ALKBH3: variants seen among roughly 807,000 people sequenced by gnomAD.
ALKBH3 encodes the protein alkB homolog 3, alpha-ketoglutarate dependent dioxygenase.
A neutral mutation model predicts 43.9 loss-of-function variants in ALKBH3; 51 were observed. That is an observed-to-expected ratio of 1.16 (90% CI 0.93 to 1.47). The LOEUF is 1.47. Ranked by LOEUF, ALKBH3 falls within the 40% of genes most tolerant of loss-of-function variation. The pLI is 0.00. For synonymous variants in ALKBH3, 102 were observed against 115.2 expected (o/e 0.89, Z 0.73); for missense variants, 361 against 351.9 (o/e 1.03, Z -0.21).
At chr11:43,918,589 G>A (rs1342743965) in intron 8 of ALKBH3, among the ~76,000 whole-genome samples, 1 of 152,188 alleles carries the variant, frequency 6.6e-6, no homozygotes, top group Non-Finnish European at 1.5e-5. Context: ...TCAAATCTTG[G>A]TTAAAAGGAC....
At chr11:43,916,499 T>C (rs1168714857) in intron 8 of ALKBH3, among the ~76,000 whole-genome samples, 3 of 152,126 alleles carry the variant, frequency 2.0e-5, no homozygotes, top group African/African-American at 7.2e-5. Context: ...TAAAAGCTGC[T>C]TTTAACCAGG....
At chr11:43,911,804 A>G (rs1013524668) in intron 8 of ALKBH3, among the ~76,000 whole-genome samples, 1 of 152,210 alleles carries the variant, frequency 6.6e-6, no homozygotes, top group Non-Finnish European at 1.5e-5. Flanking sequence ...GTGGAATTGT[A>G]CATTATCATT....
chr11:43,884,375 CT>C (rs113557050), intron 4 of ALKBH3, among the ~76,000 whole-genome samples: 73,167 of 133,670 alleles, frequency 0.55, 20,113 homozygotes, highest in Non-Finnish European at 0.63. Flanking sequence ...TTAATTGCCT[CT>C]TTTTTTTTTT....
intron 7 of ALKBH3, among the ~76,000 whole-genome samples, chr11:43,900,550 G>A (rs1951855855): frequency 6.6e-6 from 1 of 152,066 alleles, no homozygotes; most frequent in African/African-American, 2.4e-5. Context: ...GAATTAACCA[G>A]TAGTTGAAAA....
intron 7 of ALKBH3, among the ~76,000 whole-genome samples, chr11:43,900,215 ATTTTT>A (rs34274072): frequency 6.9e-5 from 6 of 87,168 alleles, no homozygotes; most frequent in Admixed American, 5.6e-4. Context: ...TTTTAATTTA[ATTTTT>A]TTTTTTTTTT....
intron 5 of ALKBH3, among the ~76,000 whole-genome samples, chr11:43,888,879 A>G (rs1228408368): frequency 2.0e-5 from 3 of 152,252 alleles, no homozygotes; most frequent in Admixed American, 1.3e-4. Flanking sequence ...GTTGAAATAA[A>G]CACATATTCA....
chr11:43,918,564 A>G (rs748208285), intron 8 of ALKBH3, among the ~76,000 whole-genome samples: 2 of 152,220 alleles, frequency 1.3e-5, no homozygotes, highest in Non-Finnish European at 2.9e-5. Flanking sequence ...TGAAAAGGTG[A>G]AGGAAGTCAT....
chr11:43,904,221 G>A (rs1951881519), intron 8 of ALKBH3, among the ~76,000 whole-genome samples: 1 of 152,164 alleles, frequency 6.6e-6, no homozygotes, highest in Non-Finnish European at 1.5e-5. Context: ...CTATGACGAT[G>A]GTAGCTGATT....
Position 43,920,047 on chromosome 11 carries a change from A to T in ALKBH3, c.*37A>T. 1.3e-6 allele frequency: 2 copies of T among 1,575,082 alleles called. No homozygotes were observed. Among genetic ancestry groups the T allele is most frequent in the Non-Finnish European group, 1.7e-6 (2 of 1,145,656 alleles). On this transcript the variant is annotated 3_prime_UTR_variant, in exon 10 of 10. Coordinates refer to ENST00000302708, the MANE Select transcript of ALKBH3 (RefSeq NM_139178.4). ...TGAGAGAGAAGCTTCACTGAAACGG[A>T]GCAAACCTTCCACTGAGAAGCCACT...
At chr11:43,900,078 T>C (rs1362508528) in intron 7 of ALKBH3, among the ~76,000 whole-genome samples, 2 of 42,610 alleles carry the variant, frequency 4.7e-5, no homozygotes, top group African/African-American at 9.0e-5. Flanking sequence ...AATTTAGATA[T>C]TAAAAATTTG....
At chr11:43,897,675 G>C in intron 7 of ALKBH3, 1 of 841,024 alleles carries the variant, frequency 1.2e-6, no homozygotes, top group Non-Finnish European at 2.1e-6. Context: ...GAAGATTGCA[G>C]GAGTTGATTA....
At chr11:43,899,284 G>A (rs879679745) in intron 7 of ALKBH3, 55 of 710,684 alleles carry the variant, frequency 7.7e-5, no homozygotes, top group African/African-American at 1.4e-4. Context: ...TGCAGGGCTC[G>A]CATGTGACCA....
chr11:43,883,840 G>GTC, intron 3 of ALKBH3, 143 bp from the exon 4 acceptor site: 2 of 839,110 alleles, frequency 2.4e-6, no homozygotes, highest in Non-Finnish European at 3.7e-6. Context: ...GGAGACAAGG[G>GTC]TCTCTAGTGG....
rs894797455 is a variant in ALKBH3 at position 43,914,504 on chromosome 11, A to G, written c.670-4534A>G. Among the ~76,000 whole-genome samples, 6 of 152,228 alleles carry G rather than the reference A, an allele frequency of 3.9e-5. No individual in the cohort carries two copies. In the South Asian group the frequency reaches 1.0e-3, roughly 26 times the overall value. On this transcript the variant is annotated intron_variant, in intron 8 of 9. Transcript: ENST00000302708. The stretch of plus-strand genomic sequence containing the variant: ...AGCATGGAAAAAAAAGAATAACCCA[A>G]CCACCACCAAAAAACAAACTCCATG...
intron 6 of ALKBH3, 83 bp from the exon 7 acceptor site, chr11:43,891,958 A>C: frequency 9.6e-7 from 1 of 1,043,182 alleles, no homozygotes; most frequent in Non-Finnish European, 1.5e-6. Flanking sequence ...CTCATAGCAC[A>C]TTGCAAGGCA....
rs751977581 is a variant in ALKBH3, at chr11:43,886,661, A to G, written c.266+8A>G. ...ACCCACAGGTGTATCTAGGTAAGCA[A>G]ATCCTCACAAGAAGTGACCGTAATT... On this transcript the variant is annotated splice_region_variant and intron_variant, in intron 5 of 9. Transcript: ENST00000302708. 9 of 1,613,290 alleles carry G rather than the reference A, an allele frequency of 5.6e-6. No individual in the cohort carries two copies. The highest frequency in any genetic ancestry group is 1.1e-5 in the South Asian group (1 of 91,058).
At chr11:43,900,215 A>AATTTTTTTTTTT (rs1554976906) in intron 7 of ALKBH3, among the ~76,000 whole-genome samples, 4 of 87,150 alleles carry the variant, frequency 4.6e-5, no homozygotes, top group African/African-American at 8.9e-5. Context: ...TTTTAATTTA[A>AATTTTTTTTTTT]TTTTTTTTTT....
At chr11:43,896,342 A>T (rs938863361) in intron 7 of ALKBH3, among the ~76,000 whole-genome samples, 6 of 151,980 alleles carry the variant, frequency 3.9e-5, no homozygotes, top group Non-Finnish European at 8.8e-5. Context: ...TAATTACACA[A>T]TCACAAGATC....
At chr11:43,912,755 A>T (rs1189775107) in intron 8 of ALKBH3, among the ~76,000 whole-genome samples, 2 of 152,238 alleles carry the variant, frequency 1.3e-5, no homozygotes, top group African/African-American at 4.8e-5. Flanking sequence ...TTTATTTTTT[A>T]AAATCTTAAT....
Sources: allele counts gnomAD v4.1 joint callset (sites outside exome capture counted in the v4.1 genomes callset), GRCh38; gene constraint gnomAD v4.1.1; transcripts MANE v1.5; gene names NCBI Gene and HGNC (gene_info 2026-07-23, HGNC 2026-07-21).